The following TNKS2 variants were observed in gnomAD, a reference collection of about 807,000 sequenced individuals.
TNKS2 encodes the protein poly [ADP-ribose] polymerase tankyrase-2.
Under a neutral mutation model 137.6 loss-of-function variants are expected in TNKS2, and 72 were observed. The observed-to-expected ratio is 0.52, with a 90% CI of 0.43 to 0.64. The LOEUF (loss-of-function observed/expected upper bound fraction) is 0.64. Ranked by LOEUF, TNKS2 falls within the 30% of genes least tolerant of loss-of-function variation. The pLI is 0.00. For synonymous variants in TNKS2, 516 were observed against 512.1 expected (o/e 1.01, Z -0.10); for missense variants, 1,049 against 1,410.2 (o/e 0.74, Z 4.10).
Position 91,807,216 on chromosome 10 carries a change from G to A in TNKS2, c.200-5767G>A, listed in dbSNP as rs948139306. ...CATGGTAACATTGCGGGCTTCCTTGGCTACCATAAGTCGCATTAGTTGACT... is the reference window on the plus strand; with the variant it reads ...CATGGTAACATTGCGGGCTTCCTTGACTACCATAAGTCGCATTAGTTGACT... On this transcript the variant is annotated intron_variant, in intron 1 of 26. Coordinates refer to ENST00000371627, the MANE Select transcript of TNKS2 (RefSeq NM_025235.4). 8 of 1,607,610 alleles carry A rather than the reference G, an allele frequency of 5.0e-6. No individual in the cohort carries two copies. The Admixed American group carries it at 8.3e-5, about 17-fold the overall frequency.
At position 91,819,489 on chromosome 10, in the gene TNKS2, A is replaced by G; in HGVS notation, c.565A>G (p.Asn189Asp). The change falls in exon 5 of 27, where the codon AAT becomes GAT. Residue 189 changes from asparagine (N) to aspartate (D), a missense_variant. Coordinates refer to ENST00000371627, the MANE Select transcript of TNKS2 (RefSeq NM_025235.4). ...DELLESARSG[N>D]EEKMMALLTP... ...ACTTTTTTTGTATTCTAGGAGTGGC[A>G]ATGAAGAAAAAATGATGGCTCTACT... 1 of 1,585,648 alleles carries G rather than the reference A, an allele frequency of 6.3e-7. No individual in the cohort carries two copies. The highest frequency in any genetic ancestry group is 8.5e-7 in the Non-Finnish European group (1 of 1,171,002).
At chr10:91,812,703 C>T (rs1844548052) in intron 1 of TNKS2, 1 of 895,024 alleles carries the variant, frequency 1.1e-6, no homozygotes, top group Non-Finnish European at 1.3e-6. Flanking sequence ...GAACTTTGAG[C>T]TTTCAGTCAC....
chr10:91,859,008 C>CA (rs1842784544), intron 24 of TNKS2, among the ~76,000 whole-genome samples: 1 of 150,754 alleles, frequency 6.6e-6, no homozygotes, highest in East Asian at 2.0e-4. Context: ...GACTACATCT[C>CA]AAAAAAATTT....
chr10:91,819,901 T>C (rs1427423633), intron 5 of TNKS2, 38 bp from the exon 6 acceptor site: 2 of 1,440,816 alleles, frequency 1.4e-6, no homozygotes, highest in Non-Finnish European at 9.4e-7. Context: ...ATTCAACCAT[T>C]ATTTGAATTT....
intron 19 of TNKS2, among the ~76,000 whole-genome samples, chr10:91,849,108 A>T (rs2133667415): frequency 6.6e-6 from 1 of 152,330 alleles, no homozygotes; most frequent in Middle Eastern, 3.4e-3. Flanking sequence ...AAGTGCTGGG[A>T]TTATAGGCGT....
At chr10:91,802,410 T>C (rs1468752526) in intron 1 of TNKS2, among the ~76,000 whole-genome samples, 1 of 152,194 alleles carries the variant, frequency 6.6e-6, no homozygotes, top group Non-Finnish European at 1.5e-5. Context: ...GAGTCAAAAC[T>C]AAGGCCAGCA....
At chr10:91,841,737 T>C (rs1467291870) in intron 15 of TNKS2, among the ~76,000 whole-genome samples, 1 of 152,132 alleles carries the variant, frequency 6.6e-6, no homozygotes, top group South Asian at 2.1e-4. Flanking sequence ...TATAAAAATA[T>C]TTGATGAATT....
intron 3 of TNKS2, among the ~76,000 whole-genome samples, chr10:91,817,923 G>C (rs981275381): frequency 2.6e-5 from 4 of 152,140 alleles, no homozygotes; most frequent in African/African-American, 9.7e-5. Flanking sequence ...TACCTACCTT[G>C]TGATGACTAG....
rs764225002 is a variant in TNKS2 at position 91,819,532 on chromosome 10, A to G, written c.608A>G (p.Asn203Ser). Reference protein sequence around the residue: ...MMALLTPLNVNCHASDGRKST... With the variant: ...MMALLTPLNVSCHASDGRKST... ...GCTCTACTCACACCATTAAATGTCA[A>G]CTGCCACGCAAGTGATGGCAGAAAG... The change falls in exon 5 of 27, where the codon AAC becomes AGC. Residue 203 changes from asparagine (N) to serine (S), a missense_variant. Physicochemically the swap from Asn to Ser is conservative, Grantham distance 46 (BLOSUM62 1). Around this residue, in one of 6 missense-constraint regions of TNKS2, gnomAD observed 374 missense variants for 460.8 expected, o/e 0.81. Coordinates refer to ENST00000371627, the MANE Select transcript of TNKS2 (RefSeq NM_025235.4). 1.2e-5 allele frequency: 19 copies of G among 1,595,598 alleles called. No individual in the cohort carries two copies. Among genetic ancestry groups the G allele is most frequent in the African/African-American group, 6.7e-5 (5 of 74,086 alleles).
rs759409502 is a variant in TNKS2, at chr10:91,840,653, C to T, written c.1620C>T (p.Ser540=). The T allele has an allele frequency of 4.5e-5, 73 of 1,613,872 alleles. No individual in the cohort carries two copies. The highest frequency in any genetic ancestry group is 5.8e-5 in the Non-Finnish European group (69 of 1,179,988). The change falls in exon 14 of 27, where the codon TCC becomes TCT. Residue 540 remains serine, a synonymous_variant. Transcript: ENST00000371627. ...LHFAAGYNRV[S]VVEYLLQHGA... Reference sequence around the variant, plus strand: ...TTGCAGCTGGGTATAACAGAGTGTCCGTGGTGGAATATCTGCTACAGCATG... The same window carrying T: ...TTGCAGCTGGGTATAACAGAGTGTCTGTGGTGGAATATCTGCTACAGCATG...
At chr10:91,799,817 C>T (rs1237406025) in intron 1 of TNKS2, among the ~76,000 whole-genome samples, 2 of 152,186 alleles carry the variant, frequency 1.3e-5, no homozygotes, top group Non-Finnish European at 2.9e-5. Flanking sequence ...ATGGGAGTAC[C>T]TCCTCTTACC....
Position 91,813,047 on chromosome 10 carries a change from T to C in TNKS2, c.264T>C (p.Asp88=). The C allele has an allele frequency of 1.2e-6, 2 of 1,614,206 alleles. No homozygotes were observed. Among genetic ancestry groups the C allele is most frequent in the South Asian group, 1.1e-5 (1 of 91,086 alleles). ...ATGGTGCAAATGTCCAAGCACGTGA[T>C]GATGGGGGCCTTATTCCTCTTCATA... ...LQNGANVQAR[D]DGGLIPLHNA... The change falls in exon 2 of 27, where the codon GAT becomes GAC. Residue 88 remains aspartate, a synonymous_variant. Coordinates refer to ENST00000371627, the MANE Select transcript of TNKS2 (RefSeq NM_025235.4).
intron 23 of TNKS2, among the ~76,000 whole-genome samples, 178 bp from the exon 24 acceptor site, chr10:91,857,247 A>G (rs1328007885): frequency 1.3e-5 from 2 of 152,086 alleles, no homozygotes; most frequent in Non-Finnish European, 2.9e-5. Context: ...AAATGTAGCT[A>G]TACTTCCAAT....
intron 1 of TNKS2, among the ~76,000 whole-genome samples, chr10:91,799,987 CT>C (rs1844109000): frequency 6.6e-6 from 1 of 152,164 alleles, no homozygotes; most frequent in South Asian, 2.1e-4. Flanking sequence ...ACAGATATTA[CT>C]TTTACACTTT....
At position 91,845,932 on chromosome 10, in the gene TNKS2, T is replaced by G; in HGVS notation, c.2350T>G (p.Leu784Val). Residue 784 changes from leucine to valine, a missense_variant, in exon 18 of 27, where the codon TTA (leucine) becomes GTA (valine). By Grantham distance (32) the Leu-to-Val change is conservative (BLOSUM62 1). This residue lies in a region of TNKS2 where 208 missense variants were observed against 231.2 expected (regional missense o/e 0.90). Coordinates refer to ENST00000371627, the MANE Select transcript of TNKS2 (RefSeq NM_025235.4). ...KNQEGQTPLD[L>V]VSADDVSALL... The stretch of plus-strand genomic sequence containing the variant: ...TCAGGAAGGACAAACACCTTTAGAT[T>G]TAGTTTCAGTAAGTGATGGGCTTTT... 6.5e-7 allele frequency: 1 copy of G among 1,537,940 alleles called. No individual in the cohort carries two copies. Among genetic ancestry groups the G allele is most frequent in the Non-Finnish European group, 8.8e-7 (1 of 1,130,366 alleles).
At chr10:91,807,431 C>T in intron 1 of TNKS2, 1 of 1,613,848 alleles carries the variant, frequency 6.2e-7, no homozygotes, top group Non-Finnish European at 8.5e-7. Flanking sequence ...AGGTCTGGTA[C>T]TGCGGCATCG....
At chr10:91,801,532 G>A (rs537209590) in intron 1 of TNKS2, among the ~76,000 whole-genome samples, 3 of 151,714 alleles carry the variant, frequency 2.0e-5, no homozygotes, top group East Asian at 1.9e-4. Flanking sequence ...GGAGTGCAGC[G>A]TCACGATCTC....
At chr10:91,856,533 T>G (rs1311985809) in intron 23 of TNKS2, among the ~76,000 whole-genome samples, 1 of 152,148 alleles carries the variant, frequency 6.6e-6, no homozygotes, top group Admixed American at 6.5e-5. Flanking sequence ...TAACAAAATG[T>G]GTGGAGTTTT....
intron 1 of TNKS2, among the ~76,000 whole-genome samples, chr10:91,802,652 C>T (rs1017576668): frequency 6.6e-6 from 1 of 152,188 alleles, no homozygotes; most frequent in Non-Finnish European, 1.5e-5. Flanking sequence ...TTGTGATTGC[C>T]ATTCATATCT....
Sources: gnomAD v4.1 joint callset for allele counts (sites outside exome capture counted in the v4.1 genomes callset) on GRCh38, gnomAD v4.1.1 for gene constraint, gnomAD v4.1.1 regional missense constraint, MANE v1.5 for transcripts, NCBI Gene and HGNC (gene_info 2026-07-23, HGNC 2026-07-21) for gene names.